The following GFRA1 variants were observed in gnomAD, a reference collection of about 807,000 sequenced individuals.
GFRA1 encodes GDNF family receptor alpha-1.
GFRA1 carries 16 observed loss-of-function variants against 51.6 expected under a neutral mutation model. The ratio of observed to expected loss-of-function variants is 0.31; its 90% CI spans 0.21 to 0.47. GFRA1 has a LOEUF of 0.47. Ranked by LOEUF, GFRA1 falls within the 20% of genes least tolerant of loss-of-function variation. The probability of loss-of-function intolerance (pLI) is 1.00; values close to 1 mark genes in which losing one functional copy is unlikely to be tolerated. For missense variants in GFRA1, 530 were observed against 594.3 expected (o/e 0.89, Z 1.13); for synonymous variants, 270 against 241.3 (o/e 1.12, Z -1.10).
intron 5 of GFRA1, among the ~76,000 whole-genome samples, 178 bp downstream of exon 5, chr10:116,211,453 A>G (rs1320364179): frequency 1.3e-5 from 2 of 152,222 alleles, no homozygotes; most frequent in Non-Finnish European, 2.9e-5. Context: ...GAGGTTGGAC[A>G]GCAGAGGCCC....
At chr10:116,205,435 C>T (rs1350502434) in intron 5 of GFRA1, among the ~76,000 whole-genome samples, 3 of 151,534 alleles carry the variant, frequency 2.0e-5, no homozygotes, top group East Asian at 1.9e-4. Flanking sequence ...ATTAGCTGGG[C>T]GTAGCGGCAC....
intron 4 of GFRA1, among the ~76,000 whole-genome samples, chr10:116,253,425 T>C (rs1338253557): frequency 6.6e-6 from 1 of 152,112 alleles, no homozygotes; most frequent in African/African-American, 2.4e-5. Context: ...CTGACCAACA[T>C]GGTGAAATCC....
intron 4 of GFRA1, among the ~76,000 whole-genome samples, chr10:116,251,159 C>T (rs74158415): frequency 1.3e-5 from 2 of 152,214 alleles, no homozygotes; most frequent in African/African-American, 4.8e-5. Flanking sequence ...AATTCATATG[C>T]CTCCTGTACT....
Position 116,090,432 on chromosome 10 carries a change from TAA to T in GFRA1, c.1016-512_1016-511del, listed in dbSNP as rs35493394. On this transcript the variant is annotated intron_variant, in intron 8 of 10. Transcript: ENST00000355422. ...GCAGGCAAAATGGAACCAGTTTCTT[TAA>T]AAAAAAAAAAAAAAAAAAAACTACC... is the stretch of plus-strand genomic sequence containing the variant. Among the ~76,000 whole-genome samples the T allele has an allele frequency of 1.2e-3, 145 of 121,158 alleles. 1 individual carries two copies. The East Asian group carries it at 0.016, about 13-fold the overall frequency. 79.5% of individuals were successfully genotyped at this position (121,158 alleles called of 152,430 possible).
At chr10:116,179,451 A>G (rs1383568513) in intron 5 of GFRA1, among the ~76,000 whole-genome samples, 2 of 152,224 alleles carry the variant, frequency 1.3e-5, no homozygotes, top group African/African-American at 4.8e-5. Flanking sequence ...TACAATAAGA[A>G]AACTGAAGTA....
intron 9 of GFRA1, among the ~76,000 whole-genome samples, chr10:116,066,929 C>G (rs1329133663): frequency 1.3e-5 from 2 of 152,326 alleles, no homozygotes; most frequent in South Asian, 4.1e-4. Context: ...CTGGAAGACA[C>G]GCTAAGCTAA....
At chr10:116,187,153 A>C (rs781624786) in intron 5 of GFRA1, among the ~76,000 whole-genome samples, 4 of 152,224 alleles carry the variant, frequency 2.6e-5, no homozygotes, top group Non-Finnish European at 5.9e-5. Context: ...AAAATGATGA[A>C]TGCAATACTT....
intron 5 of GFRA1, among the ~76,000 whole-genome samples, chr10:116,153,234 GAGAC>G (rs1959127771): frequency 6.6e-6 from 1 of 152,202 alleles, no homozygotes; most frequent in Admixed American, 6.5e-5. Flanking sequence ...AAATGTTGCA[GAGAC>G]AGAATGAGCT....
At chr10:116,090,810 ACT>A (rs1239745158) in intron 8 of GFRA1, among the ~76,000 whole-genome samples, 1 of 152,000 alleles carries the variant, frequency 6.6e-6, no homozygotes, top group Non-Finnish European at 1.5e-5. Context: ...TTAATATATG[ACT>A]CTTAGTTGGC....
intron 4 of GFRA1, among the ~76,000 whole-genome samples, chr10:116,225,705 T>C (rs1024674099): frequency 1.3e-5 from 2 of 151,516 alleles, no homozygotes; most frequent in African/African-American, 4.8e-5. Context: ...TTCTCCTGCC[T>C]CAGCTCCCCA....
At chr10:116,269,386 C>T in intron 4 of GFRA1, 117 bp downstream of exon 4, 1 of 734,328 alleles carries the variant, frequency 1.4e-6, no homozygotes, top group Non-Finnish European at 2.5e-6. Context: ...TTCTAATTTC[C>T]CAGAAACACT....
intron 5 of GFRA1, among the ~76,000 whole-genome samples, chr10:116,164,500 G>A (rs10749191): frequency 0.41 from 61,962 of 151,928 alleles, 12,652 homozygotes; most frequent in South Asian, 0.47. Context: ...AATAAGCTCC[G>A]GGCAGCTGCC....
intron 5 of GFRA1, among the ~76,000 whole-genome samples, chr10:116,147,579 G>A (rs111609146): frequency 5.3e-5 from 8 of 152,164 alleles, no homozygotes; most frequent in East Asian, 1.9e-4. Flanking sequence ...GTCACTTCAC[G>A]TCAGCTGGCA....
intron 6 of GFRA1, among the ~76,000 whole-genome samples, chr10:116,098,142 G>A (rs1010746372): frequency 1.3e-5 from 2 of 152,166 alleles, no homozygotes; most frequent in Admixed American, 6.5e-5. Flanking sequence ...GTGAATGCCC[G>A]GAGCAGATGC....
chr10:116,253,699 A>T (rs1968577898), intron 4 of GFRA1, among the ~76,000 whole-genome samples: 1 of 152,194 alleles, frequency 6.6e-6, no homozygotes, highest in African/African-American at 2.4e-5. Flanking sequence ...CTTCTTCCTA[A>T]GCCTCTCTAA....
At chr10:116,165,278 A>T (rs927806556) in intron 5 of GFRA1, among the ~76,000 whole-genome samples, 9 of 152,204 alleles carry the variant, frequency 5.9e-5, no homozygotes, top group African/African-American at 2.2e-4. Flanking sequence ...TTTTGTCTCC[A>T]TCTCTCAACT....
chr10:116,248,263 T>C (rs1968030546), intron 4 of GFRA1, among the ~76,000 whole-genome samples: 1 of 152,156 alleles, frequency 6.6e-6, no homozygotes, highest in Non-Finnish European at 1.5e-5. Flanking sequence ...TGCCTGCCAC[T>C]TGCTATGAGG....
At chr10:116,145,338 G>A (rs1355904298) in intron 5 of GFRA1, among the ~76,000 whole-genome samples, 1 of 151,808 alleles carries the variant, frequency 6.6e-6, no homozygotes, top group African/African-American at 2.4e-5. Flanking sequence ...ATAGGAGGAG[G>A]TAATCAATAA....
intron 6 of GFRA1, among the ~76,000 whole-genome samples, chr10:116,112,832 C>T (rs1214390650): frequency 6.6e-6 from 1 of 152,226 alleles, no homozygotes; most frequent in Non-Finnish European, 1.5e-5. Flanking sequence ...CAGCGCTTGG[C>T]TGGGGCAGAC....
Sources: gnomAD v4.1 joint callset for allele counts (sites outside exome capture counted in the v4.1 genomes callset) on GRCh38, gnomAD v4.1.1 for gene constraint, MANE v1.5 for transcripts, NCBI Gene and HGNC (gene_info 2026-07-23, HGNC 2026-07-21) for gene names.